Variants in LEPR observed in about 807,000 individuals in gnomAD.
The protein encoded by LEPR is leptin receptor.
In LEPR, 56 loss-of-function variants were observed where a neutral mutation model predicts 114.7. The observed-to-expected ratio is 0.49, with a 90% CI of 0.39 to 0.61. The LOEUF is 0.61. Ranked by LOEUF, LEPR falls within the 20% of genes least tolerant of loss-of-function variation. LEPR has a pLI of 0.00. For synonymous variants in LEPR, 443 were observed against 461.4 expected (o/e 0.96, Z 0.51); for missense variants, 1,202 against 1,352.9 (o/e 0.89, Z 1.75).
intron 2 of LEPR, among the ~76,000 whole-genome samples, chr1:65,513,203 A>T (rs6658035): frequency 1.5e-4 from 23 of 152,200 alleles, no homozygotes; most frequent in African/African-American, 5.1e-4. Flanking sequence ...TGAAGCCAGC[A>T]TGCTGTAACT....
chr1:65,587,937 A>G (rs3828038), intron 5 of LEPR, among the ~76,000 whole-genome samples: 46,989 of 151,922 alleles, frequency 0.31, 8,163 homozygotes, highest in East Asian at 0.83. Flanking sequence ...AAATTATTAC[A>G]TTTGTTAATT....
intron 19 of LEPR, chr1:65,630,191 T>G (rs1253255347): frequency 3.7e-6 from 1 of 273,660 alleles, no homozygotes; most frequent in Non-Finnish European, 7.1e-6. Context: ...TATAATTTCC[T>G]TTTTAAACAG....
At position 65,620,147 on chromosome 1, in the gene LEPR, A is replaced by AT; in HGVS notation, c.2491+129dup. 4 of 766,288 alleles carry AT rather than the reference A, an allele frequency of 5.2e-6. No homozygotes were observed. The South Asian group carries it at 6.9e-5, about 13-fold the overall frequency. The allele number at this position is 766,288 out of a possible 1,614,324, so 47.5% of individuals were successfully genotyped here. ...TGGAAGAGTCCAAAGTCTTCTGTAG[A>AT]TTTTTCATGGTGAGGTTCCAAAGGA... On this transcript the variant is annotated intron_variant, in intron 17 of 19. Coordinates refer to ENST00000349533, the MANE Select transcript of LEPR (RefSeq NM_002303.6).
At chr1:65,433,904 T>G in intron 2 of LEPR, 12 of 985,192 alleles carry the variant, frequency 1.2e-5, no homozygotes, top group Non-Finnish European at 1.4e-5. Flanking sequence ...TTTTGAGCAA[T>G]AATCTGTCCT....
chr1:65,490,700 C>T (rs867690694), intron 2 of LEPR, among the ~76,000 whole-genome samples: 58 of 152,170 alleles, frequency 3.8e-4, no homozygotes, highest in Middle Eastern at 3.4e-3. Context: ...TCTTCTTAAG[C>T]ATTTTACGGA....
intron 2 of LEPR, among the ~76,000 whole-genome samples, chr1:65,460,134 A>T (rs1646926655): frequency 6.6e-6 from 1 of 151,862 alleles, no homozygotes; most frequent in Non-Finnish European, 1.5e-5. Context: ...TATATTACAT[A>T]TCAGCAATAA....
At chr1:65,492,626 T>G (rs930967449) in intron 2 of LEPR, among the ~76,000 whole-genome samples, 1 of 152,016 alleles carries the variant, frequency 6.6e-6, no homozygotes, top group African/African-American at 2.4e-5. Flanking sequence ...ATCCTAATAG[T>G]GTGGCCATAG....
At chr1:65,608,971 C>T (rs1656998477) in intron 12 of LEPR, 70 bp downstream of exon 12, 1 of 1,570,866 alleles carries the variant, frequency 6.4e-7, no homozygotes, top group South Asian at 1.1e-5. Flanking sequence ...AGTTTAATTG[C>T]ATTAGATTAA....
intron 2 of LEPR, among the ~76,000 whole-genome samples, chr1:65,427,096 C>T (rs1646391932): frequency 6.6e-6 from 1 of 152,094 alleles, no homozygotes; most frequent in African/African-American, 2.4e-5. Context: ...TCCTGGCCAA[C>T]TATTACAGAA....
chr1:65,429,708 T>A (rs1468847617), intron 2 of LEPR, among the ~76,000 whole-genome samples: 3 of 152,238 alleles, frequency 2.0e-5, no homozygotes, highest in African/African-American at 4.8e-5. Context: ...TATCTATCCC[T>A]GGTAGAAATC....
chr1:65,583,356 T>C (rs1345955470), intron 5 of LEPR, among the ~76,000 whole-genome samples: 1 of 152,156 alleles, frequency 6.6e-6, no homozygotes, highest in Non-Finnish European at 1.5e-5. Context: ...TAAGAAAAAC[T>C]TCTAGTAAGA....
chr1:65,502,326 G>A (rs1648494365), intron 2 of LEPR, among the ~76,000 whole-genome samples: 1 of 152,128 alleles, frequency 6.6e-6, no homozygotes, highest in Admixed American at 6.6e-5. Context: ...TGTAAACCAA[G>A]GAGAGAGGTT....
intron 2 of LEPR, among the ~76,000 whole-genome samples, chr1:65,426,357 T>C (rs1184712296): frequency 1.3e-5 from 2 of 152,162 alleles, no homozygotes; most frequent in Non-Finnish European, 2.9e-5. Flanking sequence ...CTTAGGGCTC[T>C]ATATGCCTGC....
intron 2 of LEPR, among the ~76,000 whole-genome samples, chr1:65,484,162 A>G (rs1159796430): frequency 1.3e-5 from 2 of 151,792 alleles, no homozygotes; most frequent in East Asian, 3.9e-4. Flanking sequence ...TGGCCTTTAC[A>G]CTTTTTTATT....
intron 2 of LEPR, among the ~76,000 whole-genome samples, chr1:65,455,242 C>G (rs188698765): frequency 1.6e-3 from 245 of 152,292 alleles, no homozygotes; most frequent in African/African-American, 5.8e-3. Context: ...CCTCCCGTAG[C>G]TCGTAGTAAT....
chr1:65,455,485 A>G (rs1239945170), intron 2 of LEPR, among the ~76,000 whole-genome samples: 1 of 150,508 alleles, frequency 6.6e-6, no homozygotes, highest in Non-Finnish European at 1.5e-5. Flanking sequence ...TCTGTTTGTT[A>G]GTTTTCCTTC....
At chr1:65,462,574 C>T (rs1383979725) in intron 2 of LEPR, among the ~76,000 whole-genome samples, 1 of 152,232 alleles carries the variant, frequency 6.6e-6, no homozygotes, top group Non-Finnish European at 1.5e-5. Context: ...GGAATCGCCA[C>T]ACTGTCTTCC....
At chr1:65,516,122 T>C (rs539657048) in intron 2 of LEPR, among the ~76,000 whole-genome samples, 1 of 152,192 alleles carries the variant, frequency 6.6e-6, no homozygotes, top group Non-Finnish European at 1.5e-5. Context: ...TTTCATTAAG[T>C]CAACTTTTAT....
intron 19 of LEPR, among the ~76,000 whole-genome samples, chr1:65,624,880 A>T (rs1658105869): frequency 6.6e-6 from 1 of 152,218 alleles, no homozygotes; most frequent in Non-Finnish European, 1.5e-5. Context: ...CCCTGTCTTC[A>T]GAAGCAGCAG....
Sources: gnomAD v4.1 joint callset for allele counts (sites outside exome capture counted in the v4.1 genomes callset) on GRCh38, gnomAD v4.1.1 for gene constraint, MANE v1.5 for transcripts, NCBI Gene and HGNC (gene_info 2026-07-23, HGNC 2026-07-21) for gene names.